RORA: variants seen among roughly 807,000 people sequenced by gnomAD.
The protein encoded by RORA is nuclear receptor ROR-alpha.
A neutral mutation model predicts 69.5 loss-of-function variants in RORA; 7 were observed. The ratio of observed to expected loss-of-function variants is 0.10; its 90% confidence interval spans 0.06 to 0.19. The LOEUF (loss-of-function observed/expected upper bound fraction) is 0.19, where lower values mean the gene tolerates loss of function less well. Among genes scored for constraint, RORA ranks in the 10% least tolerant of loss-of-function variants. The pLI, the probability that RORA is intolerant of heterozygous loss-of-function variation, is 1.00. For synonymous variants in RORA, 261 were observed against 240.8 expected, an observed-to-expected ratio of 1.08 and a Z score of -0.78; for missense variants, 457 against 663.0, an observed-to-expected ratio of 0.69 and a Z score of 3.41.
chr15:60,622,542 G>A (rs760675166), intron 2 of RORA, among the ~76,000 whole-genome samples: 59 of 151,818 alleles, frequency 3.9e-4, no homozygotes, highest in Admixed American at 9.2e-4. Flanking sequence ...AGCCTGGGAG[G>A]TGGAGGTTGC....
intron 2 of RORA, among the ~76,000 whole-genome samples, chr15:60,667,724 A>G (rs562717964): frequency 3.3e-5 from 5 of 152,196 alleles, no homozygotes; most frequent in South Asian, 2.1e-4. Context: ...GGCTCAAGCA[A>G]TCTTTCCACC....
intron 1 of RORA, among the ~76,000 whole-genome samples, chr15:61,153,535 G>A (rs2079415921): frequency 6.6e-6 from 1 of 152,158 alleles, no homozygotes; most frequent in South Asian, 2.1e-4. Flanking sequence ...GACTCAGTGG[G>A]TCTGATGGCT....
At chr15:61,035,567 G>A (rs1896415492) in intron 1 of RORA, among the ~76,000 whole-genome samples, 1 of 152,170 alleles carries the variant, frequency 6.6e-6, no homozygotes, top group Non-Finnish European at 1.5e-5. Context: ...GGGCCCCTGG[G>A]CAAACCACGT....
chr15:61,055,796 G>A (rs2078088113), intron 1 of RORA, among the ~76,000 whole-genome samples: 1 of 152,200 alleles, frequency 6.6e-6, no homozygotes, highest in Admixed American at 6.5e-5. Context: ...GAATCATTAG[G>A]ATTTGAGACA....
At chr15:60,786,309 G>T (rs2072333286) in intron 1 of RORA, among the ~76,000 whole-genome samples, 1 of 151,914 alleles carries the variant, frequency 6.6e-6, no homozygotes, top group Non-Finnish European at 1.5e-5. Context: ...AAAGGTCAGG[G>T]GATAAAACAA....
At chr15:60,717,201 C>T (rs559153881) in intron 1 of RORA, among the ~76,000 whole-genome samples, 30 of 152,242 alleles carry the variant, frequency 2.0e-4, no homozygotes, top group African/African-American at 6.5e-4. Context: ...AACTCCCACG[C>T]ATGTGGTCAC....
chr15:60,580,364 G>GA (rs2068156893), intron 2 of RORA, among the ~76,000 whole-genome samples: 1 of 152,136 alleles, frequency 6.6e-6, no homozygotes, highest in Non-Finnish European at 1.5e-5. Flanking sequence ...CAACAGGAAA[G>GA]AAAAAAGAGG....
intron 1 of RORA, among the ~76,000 whole-genome samples, chr15:61,113,124 T>A (rs1040880168): frequency 6.6e-6 from 1 of 152,218 alleles, no homozygotes; most frequent in Admixed American, 6.5e-5. Flanking sequence ...GCTCCTGCTA[T>A]GGGTTGCCCC....
At chr15:60,835,295 T>A (rs1483698367) in intron 1 of RORA, among the ~76,000 whole-genome samples, 1 of 152,150 alleles carries the variant, frequency 6.6e-6, no homozygotes. Flanking sequence ...AATAAGAATT[T>A]TAATAAAAAT....
At chr15:60,603,880 A>G (rs2140561235) in intron 2 of RORA, among the ~76,000 whole-genome samples, 1 of 152,324 alleles carries the variant, frequency 6.6e-6, no homozygotes, top group African/African-American at 2.4e-5. Flanking sequence ...CACGCCTGTA[A>G]TCCCAGCACT....
intron 2 of RORA, among the ~76,000 whole-genome samples, chr15:60,570,159 C>T (rs922668343): frequency 6.6e-6 from 1 of 152,138 alleles, no homozygotes; most frequent in African/African-American, 2.4e-5. Context: ...GTAACACAAA[C>T]ACAGCCCGGG....
chr15:61,129,872 C>T (rs1210115265), intron 1 of RORA, among the ~76,000 whole-genome samples: 1 of 152,202 alleles, frequency 6.6e-6, no homozygotes, highest in Non-Finnish European at 1.5e-5. Flanking sequence ...TTTCCCCCAC[C>T]TTTCTTAATC....
intron 1 of RORA, among the ~76,000 whole-genome samples, chr15:61,140,634 C>T (rs978322636): frequency 2.6e-5 from 4 of 151,866 alleles, no homozygotes; most frequent in African/African-American, 9.7e-5. Flanking sequence ...ACAAGGGGAC[C>T]CCAAAACTTT....
At chr15:60,997,039 T>TTGTG (rs10687177) in intron 1 of RORA, among the ~76,000 whole-genome samples, 3,825 of 148,396 alleles carry the variant, frequency 0.026, 90 homozygotes, top group East Asian at 0.11. Context: ...ATATTGGGGT[T>TTGTG]TGTGTGTGTG....
At chr15:61,167,236 T>C (rs2079545986) in intron 1 of RORA, among the ~76,000 whole-genome samples, 1 of 151,648 alleles carries the variant, frequency 6.6e-6, no homozygotes, top group African/African-American at 2.4e-5. Flanking sequence ...CTTTAAAAGA[T>C]TTTTTTTTCC....
intron 2 of RORA, among the ~76,000 whole-genome samples, chr15:60,533,936 C>T (rs993243522): frequency 5.3e-5 from 8 of 152,190 alleles, no homozygotes; most frequent in African/African-American, 1.4e-4. Context: ...AACTACCTGA[C>T]GCTAAACTTG....
In RORA at chr15:60,537,840, T is replaced by G. The variant is rs1191911159; in HGVS notation, c.197-5989A>C. Among the ~76,000 whole-genome samples the G allele has an allele frequency of 6.6e-6, 1 of 152,226 alleles. No individual in the cohort carries two copies. Among genetic ancestry groups the G allele is most frequent in the Non-Finnish European group, 1.5e-5 (1 of 68,040 alleles). Reference sequence around the variant, plus strand: ...CCTTGCTGAACCTCACCAAAACAATTAGATCTCCAAATAGAAAGCCCTACT... The same window carrying G: ...CCTTGCTGAACCTCACCAAAACAATGAGATCTCCAAATAGAAAGCCCTACT... On this transcript the variant is annotated intron_variant, in intron 2 of 10. Coordinates refer to ENST00000335670, the MANE Select transcript of RORA (RefSeq NM_134261.3). This position sits in a 1 kb window ranked among gnomAD's most constrained non-coding sequence, Gnocchi z 4.9.
At position 60,711,464 on chromosome 15, in the gene RORA, T is replaced by C. The variant is rs79350832; in HGVS notation, c.167-32778A>G. Among the ~76,000 whole-genome samples the C allele has an allele frequency of 3.2e-3, 488 of 152,330 alleles. 1 individual carries two copies. Among genetic ancestry groups the C allele is most frequent in the South Asian group, 0.017 (83 of 4,822 alleles). ...ATGGACAGTTTCAGGCAGCAGTTGATTAGAAGACAACTTCAGTAAGGGGTA... is the reference window on the plus strand; with the variant it reads ...ATGGACAGTTTCAGGCAGCAGTTGACTAGAAGACAACTTCAGTAAGGGGTA... On this transcript the variant is annotated intron_variant, in intron 1 of 10. Transcript: ENST00000335670.
chr15:61,055,560 T>C (rs1387893053), intron 1 of RORA, among the ~76,000 whole-genome samples: 1 of 152,200 alleles, frequency 6.6e-6, no homozygotes, highest in Non-Finnish European at 1.5e-5. Context: ...TCAGGTCCTG[T>C]GCCAGGCCAT....
Sources: allele counts gnomAD v4.1 joint callset (sites outside exome capture counted in the v4.1 genomes callset), GRCh38; gene constraint gnomAD v4.1.1; non-coding constraint Gnocchi (gnomAD v3.1); transcripts MANE v1.5; gene names NCBI Gene and HGNC (gene_info 2026-07-23, HGNC 2026-07-21).